Variants in TNIK observed in about 807,000 individuals in gnomAD.
TNIK encodes the protein TRAF2 and NCK-interacting protein kinase.
Under a neutral mutation model 191.3 loss-of-function variants are expected in TNIK, and 49 were observed. That is an observed-to-expected ratio of 0.26 (90% CI 0.20 to 0.32). TNIK has a LOEUF of 0.32. Ranked by LOEUF, TNIK falls within the 10% of genes least tolerant of loss-of-function variation. TNIK has a pLI of 1.00. For missense variants in TNIK, 1,155 were observed against 1,702.3 expected (o/e 0.68, Z 5.66); for synonymous variants, 594 against 600.9 (o/e 0.99, Z 0.17).
At chr3:171,108,273 C>T in intron 19 of TNIK, 111 bp from the exon 20 acceptor site, 1 of 761,660 alleles carries the variant, frequency 1.3e-6, no homozygotes, top group Non-Finnish European at 1.9e-6. Flanking sequence ...ACTCAGTGGA[C>T]ACGTCATTCA....
At chr3:171,112,640 G>GT (rs1324573221) in intron 18 of TNIK, among the ~76,000 whole-genome samples, 1 of 151,490 alleles carries the variant, frequency 6.6e-6, no homozygotes, top group Non-Finnish European at 1.5e-5. Context: ...AGTTGCTGGG[G>GT]TTTTTTTCTT....
Position 171,140,509 on chromosome 3 carries a change from G to C in TNIK, c.1222C>G (p.Gln408Glu). 2 of 1,613,278 alleles carry C rather than the reference G, an allele frequency of 1.2e-6. No individual in the cohort carries two copies. The highest frequency in any genetic ancestry group is 1.7e-6 in the Non-Finnish European group (2 of 1,179,802). Residue 408 changes from glutamine (Q) to glutamate (E), a missense_variant and splice_region_variant, in exon 13 of 33, where the codon CAA becomes GAA. By Grantham distance (29) the Gln-to-Glu change is conservative. This residue lies in a region of TNIK where 735 missense variants were observed against 848.0 expected (regional missense o/e 0.87). Coordinates refer to ENST00000436636, the MANE Select transcript of TNIK (RefSeq NM_015028.4). ...QKEQRRRLEEQQRREKELRKQ... is the reference protein window; with the variant it reads ...QKEQRRRLEEEQRREKELRKQ... Reference sequence around the variant, plus strand: ...CGCAGCTCCTTCTCTCGCCTTTGTTGCTGTGGGGCAACAAGCAGACAACCA... The same window carrying C: ...CGCAGCTCCTTCTCTCGCCTTTGTTCCTGTGGGGCAACAAGCAGACAACCA...
At chr3:171,094,035 T>G (rs566969209) in intron 22 of TNIK, 67 bp from the exon 23 acceptor site, 4 of 1,547,608 alleles carry the variant, frequency 2.6e-6, no homozygotes, top group Admixed American at 2.0e-5. Flanking sequence ...CTGTCCATAT[T>G]CATTATTTTT....
intron 12 of TNIK, among the ~76,000 whole-genome samples, chr3:171,150,347 A>C (rs892796913): frequency 2.6e-5 from 4 of 152,230 alleles, no homozygotes; most frequent in African/African-American, 9.6e-5. Flanking sequence ...GCTCAAAATT[A>C]CAAAGGAAGT....
At chr3:171,272,701 T>C (rs1749262855) in intron 2 of TNIK, among the ~76,000 whole-genome samples, 1 of 152,218 alleles carries the variant, frequency 6.6e-6, no homozygotes, top group Non-Finnish European at 1.5e-5. Flanking sequence ...TTTCAATCTC[T>C]GTTAAATTTC....
At chr3:171,427,519 A>T (rs1352181046) in intron 1 of TNIK, among the ~76,000 whole-genome samples, 1 of 152,200 alleles carries the variant, frequency 6.6e-6, no homozygotes, top group Non-Finnish European at 1.5e-5. Context: ...CCCACCGTGC[A>T]AGGCAGTTAT....
chr3:171,080,435 A>AT (rs1395964444), intron 27 of TNIK, among the ~76,000 whole-genome samples: 13 of 147,534 alleles, frequency 8.8e-5, no homozygotes, highest in African/African-American at 3.4e-4. Context: ...TTATTTATTT[A>AT]TTTATTTATT....
At chr3:171,155,639 A>G (rs1179371364) in intron 12 of TNIK, among the ~76,000 whole-genome samples, 1 of 152,244 alleles carries the variant, frequency 6.6e-6, no homozygotes. Context: ...AGCAAATGCC[A>G]CAAGAGAAGA....
intron 2 of TNIK, among the ~76,000 whole-genome samples, chr3:171,231,183 C>T (rs921582826): frequency 2.6e-5 from 4 of 152,196 alleles, no homozygotes; most frequent in Non-Finnish European, 5.9e-5. Flanking sequence ...ATAAAAGTGA[C>T]GTGTGTTACA....
chr3:171,310,993 C>T (rs1280811184), intron 2 of TNIK, among the ~76,000 whole-genome samples: 1 of 152,118 alleles, frequency 6.6e-6, no homozygotes, highest in Non-Finnish European at 1.5e-5. Flanking sequence ...ATCTTGTCAG[C>T]TCAAACACAA....
At chr3:171,066,075 ATTGT>A (rs1718399556) in intron 32 of TNIK, 108 bp downstream of exon 32, 1 of 1,365,026 alleles carries the variant, frequency 7.3e-7, no homozygotes, top group Admixed American at 2.1e-5. Context: ...GATAATATTG[ATTGT>A]TTAACACAGA....
chr3:171,196,663 CTTAT>C (rs1463631589), intron 4 of TNIK, among the ~76,000 whole-genome samples: 4 of 152,010 alleles, frequency 2.6e-5, no homozygotes, highest in Non-Finnish European at 5.9e-5. Context: ...ATGGGTGCAC[CTTAT>C]TTAGATATTA....
chr3:171,350,762 A>G (rs1713035841), intron 2 of TNIK, among the ~76,000 whole-genome samples: 1 of 152,132 alleles, frequency 6.6e-6, no homozygotes, highest in African/African-American at 2.4e-5. Flanking sequence ...AATCCTTATG[A>G]GCTAGGTACT....
chr3:171,326,844 C>T lies in TNIK; in HGVS notation c.123+42776G>A, dbSNP rs150552738. On this transcript the variant is annotated intron_variant, in intron 2 of 32. Transcript: ENST00000436636. ...CTACCATAGGAGCAAACTACCTCTG[C>T]CCTTGAGGGTGCTCTTCTTAGGATT... Among the ~76,000 whole-genome samples, 14 of 152,238 alleles carry T rather than the reference C, an allele frequency of 9.2e-5. 1 individual carries two copies. The highest frequency in any genetic ancestry group is 3.4e-4 in the African/African-American group (14 of 41,528).
chr3:171,238,859 G>A (rs1744622757), intron 2 of TNIK, among the ~76,000 whole-genome samples: 1 of 152,196 alleles, frequency 6.6e-6, no homozygotes. Context: ...AATCTTACAT[G>A]TAAAATCTTT....
chr3:171,125,674 G>A (rs1265081932), intron 17 of TNIK, among the ~76,000 whole-genome samples: 1 of 152,142 alleles, frequency 6.6e-6, no homozygotes, highest in South Asian at 2.1e-4. Context: ...AACTTTGGAC[G>A]TAGGATCTGT....
At chr3:171,397,522 T>G (rs116048900) in intron 1 of TNIK, among the ~76,000 whole-genome samples, 4,722 of 152,288 alleles carry the variant, frequency 0.031, 244 homozygotes, top group African/African-American at 0.11. Flanking sequence ...ACATGCTGAC[T>G]GCCCAGCTAC....
intron 1 of TNIK, among the ~76,000 whole-genome samples, chr3:171,430,629 C>G (rs1725250726): frequency 8.0e-6 from 1 of 124,464 alleles, no homozygotes; most frequent in African/African-American, 3.1e-5. Flanking sequence ...AGAGTGACAC[C>G]TTGTCTCAAA....
chr3:171,277,446 G>A (rs1209279414), intron 2 of TNIK, among the ~76,000 whole-genome samples: 1 of 152,062 alleles, frequency 6.6e-6, no homozygotes, highest in East Asian at 1.9e-4. Context: ...ACAGGTTCGG[G>A]AAGTATTAAT....
Sources: allele counts gnomAD v4.1 joint callset (sites outside exome capture counted in the v4.1 genomes callset), GRCh38; gene constraint gnomAD v4.1.1; regional missense constraint gnomAD v4.1.1; transcripts MANE v1.5; gene names NCBI Gene and HGNC (gene_info 2026-07-23, HGNC 2026-07-21).